Variants in MICAL2 observed in about 807,000 individuals in gnomAD.
MICAL2 encodes [F-actin]-monooxygenase MICAL2.
MICAL2 carries 77 observed loss-of-function variants against 127.3 expected under a neutral mutation model. The ratio of observed to expected loss-of-function variants is 0.60; its 90% confidence interval spans 0.50 to 0.73. The LOEUF is 0.73. Ranked by LOEUF, MICAL2 falls within the 30% of genes least tolerant of loss-of-function variation. MICAL2 has a pLI of 0.00. For missense variants in MICAL2, 1,351 were observed against 1,434.4 expected, an observed-to-expected ratio of 0.94 and a Z score of 0.94; for synonymous variants, 570 against 551.1, an observed-to-expected ratio of 1.03 and a Z score of -0.48.
chr11:12,254,317 T>C (rs1861997959), intron 22 of MICAL2: 1 of 152,250 alleles, frequency 6.6e-6, no homozygotes, highest in Admixed American at 6.5e-5. Flanking sequence ...CTCCCCATTT[T>C]ACTAAATGAG....
At chr11:12,289,115 G>C (rs1863861959), downstream of MICAL2, among the ~76,000 whole-genome samples, 1 of 152,244 alleles carries the variant, frequency 6.6e-6, no homozygotes, top group African/African-American at 2.4e-5. Context: ...ATGACCTCTA[G>C]GATCTACGAG....
intron 29 of MICAL2, among the ~76,000 whole-genome samples, chr11:12,305,244 G>A (rs534335103): frequency 1.3e-5 from 2 of 152,320 alleles, no homozygotes; most frequent in South Asian, 4.1e-4. Flanking sequence ...AGGGGAGGCA[G>A]GCGCATCTTA....
intron 32 of MICAL2, among the ~76,000 whole-genome samples, chr11:12,346,583 C>T (rs762510051): frequency 5.3e-5 from 8 of 152,202 alleles, no homozygotes; most frequent in Admixed American, 1.3e-4. Flanking sequence ...CAAACTCTGT[C>T]ATCCATTTAG....
chr11:12,200,000 G>A (rs946069610), intron 3 of MICAL2, among the ~76,000 whole-genome samples: 15 of 152,216 alleles, frequency 9.9e-5, no homozygotes, highest in Non-Finnish European at 2.1e-4. Context: ...CCCCCAACTG[G>A]TGTGAACTGA....
At chr11:12,127,641 G>A (rs1851053534) in intron 1 of MICAL2, among the ~76,000 whole-genome samples, 2 of 152,204 alleles carry the variant, frequency 1.3e-5, no homozygotes, top group Non-Finnish European at 2.9e-5. Flanking sequence ...AAGGAGGCAA[G>A]GCCAGATCCT....
intron 32 of MICAL2, chr11:12,349,772 C>A: frequency 6.6e-7 from 1 of 1,513,236 alleles, no homozygotes; most frequent in Non-Finnish European, 9.2e-7. Flanking sequence ...TAAAGTGGCT[C>A]AAAGCAGTTT....
At chr11:12,262,747 A>G in intron 27 of MICAL2, 1 of 552,276 alleles carries the variant, frequency 1.8e-6, no homozygotes, top group South Asian at 2.2e-5. Context: ...TGGAGCTGGC[A>G]GCCTGGTCTA....
intron 3 of MICAL2, among the ~76,000 whole-genome samples, chr11:12,166,505 G>A (rs1221262459): frequency 6.6e-6 from 1 of 152,190 alleles, no homozygotes; most frequent in African/African-American, 2.4e-5. Flanking sequence ...GCTACTATGT[G>A]TCAGGCATTT....
Position 12,209,562 on chromosome 11 carries a change from A to G in MICAL2, c.655A>G (p.Ile219Val), listed in dbSNP as rs140477250. The G allele has an allele frequency of 8.7e-6, 14 of 1,614,056 alleles. No homozygotes were observed. The highest frequency in any genetic ancestry group is 1.3e-5 in the African/African-American group (1 of 74,916). ...HSLSEFEFDV[I>V]IGADGRRNTL... Reference sequence around the variant, plus strand: ...TCTGTCGGAGTTTGAGTTTGACGTCATCATTGGTGCCGATGGCCGCAGGAA... The same window carrying G: ...TCTGTCGGAGTTTGAGTTTGACGTCGTCATTGGTGCCGATGGCCGCAGGAA... The change falls in exon 6 of 28, where the codon ATC (isoleucine) becomes GTC (valine). Residue 219 changes from isoleucine to valine, a missense_variant. By Grantham distance (29) the Ile-to-Val change is conservative. Around this residue, in one of 2 missense-constraint regions of MICAL2, gnomAD observed 599 missense variants for 714.9 expected, o/e 0.84. Transcript: ENST00000683283.
In MICAL2 at chr11:12,260,073, G is replaced by C. The variant is rs747987726; in HGVS notation, c.3334+176G>C. The C allele has an allele frequency of 2.3e-4, 360 of 1,537,454 alleles. 1 individual carries two copies. The highest frequency in any genetic ancestry group is 7.2e-5 in the Non-Finnish European group (83 of 1,146,930). On this transcript the variant is annotated intron_variant, in intron 26 of 27. Coordinates refer to ENST00000683283, the MANE Select transcript of MICAL2 (RefSeq NM_001282663.2). The stretch of plus-strand genomic sequence containing the variant: ...GCCTGGGGCTGCCACTCCTCTGGGC[G>C]TTCTCTGAGGTCCTGGCAGCCATGT...
At chr11:12,252,338 A>G (rs904103499) in intron 22 of MICAL2, among the ~76,000 whole-genome samples, 5 of 152,236 alleles carry the variant, frequency 3.3e-5, no homozygotes. Context: ...GGGCCAGAGT[A>G]GAGGCCAGGG....
chr11:12,118,306 A>G (rs1850212194), intron 1 of MICAL2, among the ~76,000 whole-genome samples: 1 of 152,224 alleles, frequency 6.6e-6, no homozygotes, highest in Non-Finnish European at 1.5e-5. Context: ...AATTGAATGA[A>G]AAGTACATCT....
chr11:12,274,380 G>A (rs1248196599), upstream of MICAL2: 1 of 152,148 alleles, frequency 6.6e-6, no homozygotes, highest in Non-Finnish European at 1.5e-5. Context: ...AAAAATCACT[G>A]CTTACATTCT....
intron 6 of MICAL2, among the ~76,000 whole-genome samples, chr11:12,211,760 T>C (rs532992803): frequency 1.3e-5 from 2 of 151,780 alleles, no homozygotes; most frequent in Non-Finnish European, 2.9e-5. Flanking sequence ...AGACATGGGG[T>C]TTTATTAGGG....
At chr11:12,206,755 T>G (rs1854740578) in intron 4 of MICAL2, among the ~76,000 whole-genome samples, 1 of 152,106 alleles carries the variant, frequency 6.6e-6, no homozygotes, top group Non-Finnish European at 1.5e-5. Flanking sequence ...CTAGGCCCGC[T>G]TTTCTCCCCT....
chr11:12,268,783 GATCGAGACC>G (rs1565288649), downstream of MICAL2, among the ~76,000 whole-genome samples: 1 of 151,648 alleles, frequency 6.6e-6, no homozygotes. Flanking sequence ...GAGGTTAGGA[GATCGAGACC>G]ATCCTGGCTA....
chr11:12,216,273 T>C lies in MICAL2; in HGVS notation c.902T>C (p.Met301Thr). The change falls in exon 8 of 28, where the codon ATG (methionine) becomes ACG (threonine). Residue 301 changes from methionine (M) to threonine (T), a missense_variant. By Grantham distance (81) the Met-to-Thr change is moderately conservative. Transcript: ENST00000683283. ...YYKDCTHYFV[M>T]TAKKQSLLDK... Reference sequence around the variant, plus strand: ...AAGGACTGCACCCACTATTTTGTAATGACAGCCAAGAAGCAGAGCCTGCTC... The same window carrying C: ...AAGGACTGCACCCACTATTTTGTAACGACAGCCAAGAAGCAGAGCCTGCTC... 1 of 1,614,096 alleles carries C rather than the reference T, an allele frequency of 6.2e-7. No homozygotes were observed. The highest frequency in any genetic ancestry group is 8.5e-7 in the Non-Finnish European group (1 of 1,179,986).
chr11:12,321,469 C>T (rs1158770859), intron 30 of MICAL2, among the ~76,000 whole-genome samples: 1 of 152,138 alleles, frequency 6.6e-6, no homozygotes, highest in Non-Finnish European at 1.5e-5. Flanking sequence ...CCTTGCTCCC[C>T]ACTGCCTCTC....
chr11:12,196,709 C>G (rs1415216236), intron 3 of MICAL2, among the ~76,000 whole-genome samples: 2 of 152,202 alleles, frequency 1.3e-5, no homozygotes, highest in Non-Finnish European at 2.9e-5. Context: ...CACCTCCATC[C>G]TATTCTAAGC....
Sources: gnomAD v4.1 joint callset for allele counts (sites outside exome capture counted in the v4.1 genomes callset) on GRCh38, gnomAD v4.1.1 for gene constraint, gnomAD v4.1.1 regional missense constraint, MANE v1.5 for transcripts, NCBI Gene and HGNC (gene_info 2026-07-23, HGNC 2026-07-21) for gene names.